The following ZNF613 variants were observed in gnomAD, a reference collection of about 807,000 sequenced individuals.
ZNF613 encodes the protein zinc finger protein 613.
Under a neutral mutation model 14.3 loss-of-function variants are expected in ZNF613, and 8 were observed. That is an observed-to-expected ratio of 0.56 (90% CI 0.33 to 1.01). ZNF613 has a LOEUF of 1.01. ZNF613 is among the 50% of genes least tolerant of loss of function. ZNF613 has a pLI of 0.03. For synonymous variants in ZNF613, 228 were observed against 254.5 expected, an observed-to-expected ratio of 0.90 and a Z score of 0.99; for missense variants, 656 against 741.9, an observed-to-expected ratio of 0.88 and a Z score of 1.35.
At chr19:51,933,054 C>G (rs1368948039) in intron 2 of ZNF613, among the ~76,000 whole-genome samples, 2 of 152,144 alleles carry the variant, frequency 1.3e-5, no homozygotes, top group Non-Finnish European at 2.9e-5. Context: ...AATGATTAGC[C>G]AGGGAATCTA....
chr19:51,942,884 A>G (rs1340902930), intron 5 of ZNF613: 1 of 152,170 alleles, frequency 6.6e-6, no homozygotes, highest in East Asian at 1.9e-4. Context: ...TTTTTAGTAG[A>G]GACAGAGTTT....
chr19:51,936,700 G>C (rs887791708), intron 3 of ZNF613, among the ~76,000 whole-genome samples: 1 of 152,142 alleles, frequency 6.6e-6, no homozygotes, highest in Non-Finnish European at 1.5e-5. Context: ...GCACAGGCTG[G>C]TCTCTAACTC....
chr19:51,930,388 A>G (rs570317841), intron 2 of ZNF613, among the ~76,000 whole-genome samples: 4 of 152,128 alleles, frequency 2.6e-5, no homozygotes, highest in Non-Finnish European at 5.9e-5. Flanking sequence ...CAGCCTCCCA[A>G]GTAGCTGAGA....
In ZNF613 at chr19:51,943,730, G is replaced by A. The variant is rs149050053; in HGVS notation, c.236-389G>A. 1.9e-3 allele frequency among the ~76,000 whole-genome samples: 296 copies of A among 152,256 alleles called. 1 individual carries two copies. Among genetic ancestry groups the A allele is most frequent in the Middle Eastern group, 0.017 (5 of 294 alleles). On this transcript the variant is annotated intron_variant, in intron 5 of 5. Transcript: ENST00000293471. ...AGAGTTTCAGGCATCCATGGTGTGGGGGGTGTCTTGGAACATATCGCCCAT... is the reference window on the plus strand; with the variant it reads ...AGAGTTTCAGGCATCCATGGTGTGGAGGGTGTCTTGGAACATATCGCCCAT...
chr19:51,934,122 C>G (rs1418253617), intron 2 of ZNF613, among the ~76,000 whole-genome samples: 1 of 152,124 alleles, frequency 6.6e-6, no homozygotes, highest in Non-Finnish European at 1.5e-5. Flanking sequence ...TTTTTTGACT[C>G]AATATTTGTT....
In ZNF613 at chr19:51,932,237, T is replaced by C. The variant is rs557346839; in HGVS notation, c.-194+2341T>C. 2.6e-5 allele frequency among the ~76,000 whole-genome samples: 4 copies of C among 151,674 alleles called. No individual in the cohort carries two copies. The South Asian group carries it at 8.3e-4, about 32-fold the overall frequency. ...TCGTGATAAACAGTTTGCTGTTTGA[T>C]CATGTACTCTCCAGTGGAATGCTGA... is the stretch of plus-strand genomic sequence containing the variant. On this transcript the variant is annotated intron_variant, in intron 2 of 5. Coordinates refer to ENST00000293471, the MANE Select transcript of ZNF613 (RefSeq NM_001031721.4).
chr19:51,936,355 A>T, intron 3 of ZNF613, 120 bp downstream of exon 3: 1 of 1,022,040 alleles, frequency 9.8e-7, no homozygotes, highest in South Asian at 1.7e-5. Context: ...GTGCATCAGT[A>T]AATTTAGATT....
Position 51,944,114 on chromosome 19 carries a change from C to T in ZNF613, c.236-5C>T. The T allele has an allele frequency of 6.6e-7, 1 of 1,519,586 alleles. No homozygotes were observed. The allele number at this position is 1,519,586 out of a possible 1,614,324, so 94.1% of individuals were successfully genotyped here. A position where few individuals can be genotyped will look rare whatever the true frequency, so the allele number is the denominator to read the frequency against. On this transcript the variant is annotated splice_region_variant and splice_polypyrimidine_tract_variant and intron_variant, in intron 5 of 5. Transcript: ENST00000293471. ...GGAAAGATTTATTGTTCTCTTCTTTCCTAGAAATCAAGAAAGTTGACAATC... is the reference window on the plus strand; with the variant it reads ...GGAAAGATTTATTGTTCTCTTCTTTTCTAGAAATCAAGAAAGTTGACAATC...
In ZNF613 at chr19:51,945,279, T is replaced by A; in HGVS notation, c.1396T>A (p.Ser466Thr). The change falls in exon 6 of 6, where the codon TCA becomes ACA. Residue 466 changes from serine to threonine, a missense_variant. Physicochemically the swap from Ser to Thr is moderately conservative, Grantham distance 58 (BLOSUM62 1). Transcript: ENST00000293471. Reference sequence around the variant, plus strand: ...ATGTACTGAGTGTGGAAAATCCTGCTCACACAAGTCAGGTCTCATTAACCA... The same window carrying A: ...ATGTACTGAGTGTGGAAAATCCTGCACACACAAGTCAGGTCTCATTAACCA... ...FVCTECGKSC[S>T]HKSGLINHQR... The A allele has an allele frequency of 6.2e-7, 1 of 1,613,796 alleles. No individual in the cohort carries two copies. The highest frequency in any genetic ancestry group is 8.5e-7 in the Non-Finnish European group (1 of 1,179,942).
intron 3 of ZNF613, among the ~76,000 whole-genome samples, chr19:51,939,535 G>C (rs923335475): frequency 2.0e-5 from 3 of 151,912 alleles, no homozygotes; most frequent in African/African-American, 4.8e-5. Context: ...TCACCATGTT[G>C]GGCAAGCTGG....
chr19:51,935,486 A>G (rs573031000), intron 2 of ZNF613, among the ~76,000 whole-genome samples: 1 of 152,336 alleles, frequency 6.6e-6, no homozygotes, highest in South Asian at 2.1e-4. Flanking sequence ...TGTAAGCCTT[A>G]GGTCAATGTT....
At chr19:51,942,700 A>AT (rs61519800) in intron 5 of ZNF613, 3,444 of 140,054 alleles carry the variant, frequency 0.025, 103 homozygotes, top group African/African-American at 0.068. Context: ...TAATGACTTG[A>AT]TTTTTTTTTT....
chr19:51,930,311 G>C (rs1041230969), intron 2 of ZNF613, among the ~76,000 whole-genome samples: 1 of 151,440 alleles, frequency 6.6e-6, no homozygotes, highest in African/African-American at 2.4e-5. Context: ...ACCCAGGCTA[G>C]AATGCAGTGG....
intron 3 of ZNF613, among the ~76,000 whole-genome samples, chr19:51,937,092 C>T (rs570392201): frequency 6.6e-6 from 1 of 152,290 alleles, no homozygotes; most frequent in Admixed American, 6.5e-5. Context: ...CATACACCAC[C>T]ATACTGTGCC....
chr19:51,935,677 A>G (rs2085300600), intron 2 of ZNF613, among the ~76,000 whole-genome samples: 1 of 152,222 alleles, frequency 6.6e-6, no homozygotes, highest in Admixed American at 6.5e-5. Flanking sequence ...TTTTAAAGAA[A>G]TAAATATCCA....
intron 3 of ZNF613, among the ~76,000 whole-genome samples, chr19:51,937,725 CTTTTTTT>C (rs557250619): frequency 1.4e-4 from 15 of 105,230 alleles, no homozygotes; most frequent in African/African-American, 3.6e-4. Flanking sequence ...TGTCTTTTTT[CTTTTTTT>C]TTTTTTTTTT....
intron 2 of ZNF613, among the ~76,000 whole-genome samples, chr19:51,933,946 G>A (rs2085286684): frequency 6.6e-6 from 1 of 152,064 alleles, no homozygotes; most frequent in African/African-American, 2.4e-5. Context: ...CTACAGACAT[G>A]TGCCACCACA....
chr19:51,929,053 A>G (rs969166498), intron 1 of ZNF613, among the ~76,000 whole-genome samples: 2 of 152,188 alleles, frequency 1.3e-5, no homozygotes, highest in African/African-American at 4.8e-5. Flanking sequence ...TGTGTTCCCC[A>G]GTAATGACTT....
intron 2 of ZNF613, among the ~76,000 whole-genome samples, chr19:51,934,008 T>A (rs11666384): frequency 0.38 from 57,403 of 151,810 alleles, 12,576 homozygotes; most frequent in African/African-American, 0.61. Context: ...CATGTTGGCC[T>A]GGCTGGTCTT....
Sources: allele counts gnomAD v4.1 joint callset (sites outside exome capture counted in the v4.1 genomes callset), GRCh38; gene constraint gnomAD v4.1.1; transcripts MANE v1.5; gene names NCBI Gene and HGNC (gene_info 2026-07-23, HGNC 2026-07-21).